ASH1L: variants seen among roughly 807,000 people sequenced by gnomAD.
ASH1L encodes the protein histone-lysine N-methyltransferase ASH1L.
In ASH1L, 23 loss-of-function variants were observed where a neutral mutation model predicts 269.0. The observed-to-expected ratio is 0.09, with a 90% CI of 0.06 to 0.12. The LOEUF (loss-of-function observed/expected upper bound fraction) is 0.12. Ranked by LOEUF, ASH1L falls within the 10% of genes least tolerant of loss-of-function variation. ASH1L has a pLI of 1.00. For missense variants in ASH1L, 2,912 were observed against 3,567.8 expected, an observed-to-expected ratio of 0.82 and a Z score of 4.68; for synonymous variants, 1,187 against 1,253.5, an observed-to-expected ratio of 0.95 and a Z score of 1.12.
chr1:155,550,407 A>G (rs1241165686), intron 1 of ASH1L, among the ~76,000 whole-genome samples: 2 of 152,166 alleles, frequency 1.3e-5, no homozygotes, highest in Non-Finnish European at 2.9e-5. Context: ...GCTTCCAATC[A>G]AACTTGAAAT....
chr1:155,357,439 T>C lies in ASH1L; in HGVS notation c.6961-29A>G, dbSNP rs373397516. 6.3e-6 allele frequency: 10 copies of C among 1,598,458 alleles called. No individual in the cohort carries two copies. In the African/African-American group the frequency reaches 1.2e-4, roughly 19 times the overall value. On this transcript the variant is annotated intron_variant, in intron 14 of 27. Transcript: ENST00000392403. ...AAAAAGAGATGGATCAGATTAGAGA[T>C]TTAAAAAAATATCAGTCAGAAATAA...
chr1:155,439,115 G>A, intron 4 of ASH1L, 47 bp from the exon 5 acceptor site: 1 of 1,535,250 alleles, frequency 6.5e-7, no homozygotes, highest in South Asian at 1.3e-5. Context: ...GACACGGCTA[G>A]TTATTTAAAT....
In ASH1L at chr1:155,562,428, G is replaced by A; in HGVS notation, c.-375C>T. ...GCGAACCCAAAATGGCGGCGGGAGCGGCGGCGGCGGCGGCGGCAGCAGCAG... is the reference window on the plus strand; with the variant it reads ...GCGAACCCAAAATGGCGGCGGGAGCAGCGGCGGCGGCGGCGGCAGCAGCAG... On this transcript the variant is annotated 5_prime_UTR_variant, in exon 1 of 28. Coordinates refer to ENST00000392403, the MANE Select transcript of ASH1L (RefSeq NM_018489.3). The A allele has an allele frequency of 7.4e-7, 1 of 1,353,502 alleles. No homozygotes were observed. The highest frequency in any genetic ancestry group is 1.0e-6 in the Non-Finnish European group (1 of 990,122). The allele number at this position is 1,353,502 out of a possible 1,614,324, so 83.8% of individuals were successfully genotyped here.
At chr1:155,540,818 G>GT (rs1243311427) in intron 1 of ASH1L, among the ~76,000 whole-genome samples, 2 of 152,142 alleles carry the variant, frequency 1.3e-5, no homozygotes, top group Non-Finnish European at 2.9e-5. Context: ...TCATACATCT[G>GT]TGATACATGT....
At chr1:155,557,089 G>A (rs1671645491) in intron 1 of ASH1L, among the ~76,000 whole-genome samples, 1 of 152,014 alleles carries the variant, frequency 6.6e-6, no homozygotes. Context: ...TCATCAACTT[G>A]TGTATGTCTG....
chr1:155,420,047 G>A (rs1047142160), intron 5 of ASH1L, among the ~76,000 whole-genome samples: 1 of 152,146 alleles, frequency 6.6e-6, no homozygotes, highest in Admixed American at 6.6e-5. Context: ...GCCAGGCAGG[G>A]TGACTCACTC....
At chr1:155,375,329 G>A (rs772666958) in intron 10 of ASH1L, among the ~76,000 whole-genome samples, 2 of 152,128 alleles carry the variant, frequency 1.3e-5, no homozygotes, top group Admixed American at 6.6e-5. Flanking sequence ...TTGACAACCA[G>A]AATAAGTCCT....
At chr1:155,339,168 T>G (rs888073830) in intron 26 of ASH1L, among the ~76,000 whole-genome samples, 160 bp downstream of exon 26, 1 of 152,182 alleles carries the variant, frequency 6.6e-6, no homozygotes, top group Admixed American at 6.5e-5. Flanking sequence ...CCACATCTAC[T>G]GAAATTTAGT....
At chr1:155,432,024 A>T in intron 5 of ASH1L, among the ~76,000 whole-genome samples, 1 of 152,200 alleles carries the variant, frequency 6.6e-6, no homozygotes, top group East Asian at 1.9e-4. Context: ...CCCACCTCAT[A>T]ACCATTAAAT....
intron 4 of ASH1L, among the ~76,000 whole-genome samples, chr1:155,459,204 T>C (rs1035120535): frequency 6.6e-6 from 1 of 152,064 alleles, no homozygotes; most frequent in Non-Finnish European, 1.5e-5. Context: ...TAAACAATTT[T>C]TTTTTTTTTC....
intron 2 of ASH1L, among the ~76,000 whole-genome samples, chr1:155,492,418 G>A (rs866581380): frequency 1.6e-4 from 24 of 151,900 alleles, no homozygotes; most frequent in African/African-American, 5.3e-4. Flanking sequence ...ATTATTTTTC[G>A]GTTTCTTTTC....
At chr1:155,363,668 CTTTT>C (rs1202012962) in intron 12 of ASH1L, among the ~76,000 whole-genome samples, 1 of 151,056 alleles carries the variant, frequency 6.6e-6, no homozygotes, top group East Asian at 1.9e-4. Flanking sequence ...TGTAACTTTT[CTTTT>C]TTTTTGAGAC....
chr1:155,354,701 G>A, intron 15 of ASH1L, 71 bp from the exon 16 acceptor site: 1 of 1,446,048 alleles, frequency 6.9e-7, no homozygotes, highest in Non-Finnish European at 9.4e-7. Flanking sequence ...TCTACTCTAT[G>A]GAAGCCATTG....
At chr1:155,392,053 T>C (rs1300998975) in intron 7 of ASH1L, among the ~76,000 whole-genome samples, 1 of 152,142 alleles carries the variant, frequency 6.6e-6, no homozygotes, top group African/African-American at 2.4e-5. Flanking sequence ...TTAACCAAAA[T>C]CTGTAACACT....
chr1:155,481,022 C>T lies in ASH1L; in HGVS notation c.1848G>A (p.Arg616=), dbSNP rs1405808213. ...CAATACTTATACTATGACCAACTGA[C>T]CTATGACCAACGTTCAAGTGGGTAC... ...SESTHLNVGH[R]SVGHSISIEC... The change falls in exon 3 of 28, where the codon AGG becomes AGA. Residue 616 remains arginine (R), a synonymous_variant. Transcript: ENST00000392403. The T allele has an allele frequency of 6.2e-7, 1 of 1,613,860 alleles. No homozygotes were observed. Among genetic ancestry groups the T allele is most frequent in the Non-Finnish European group, 8.5e-7 (1 of 1,179,964 alleles).
At chr1:155,517,402 G>A (rs1458825137) in intron 2 of ASH1L, among the ~76,000 whole-genome samples, 2 of 152,136 alleles carry the variant, frequency 1.3e-5, no homozygotes, top group African/African-American at 4.8e-5. Context: ...GCCGAGGCAG[G>A]CAGATCATTT....
At chr1:155,476,376 A>G (rs1049406421) in intron 3 of ASH1L, among the ~76,000 whole-genome samples, 2 of 151,830 alleles carry the variant, frequency 1.3e-5, no homozygotes, top group Admixed American at 1.3e-4. Context: ...ACAGAGCAAG[A>G]CTCCGTCTCA....
intron 1 of ASH1L, among the ~76,000 whole-genome samples, chr1:155,543,618 T>TC (rs1670593463): frequency 1.3e-5 from 2 of 151,618 alleles, no homozygotes; most frequent in Admixed American, 6.6e-5. Flanking sequence ...AAAACAAAGT[T>TC]CCACCCATTC....
chr1:155,377,865 C>CA (rs1376436285), intron 10 of ASH1L, among the ~76,000 whole-genome samples: 4 of 151,304 alleles, frequency 2.6e-5, no homozygotes, highest in Admixed American at 6.6e-5. Context: ...ACTAAAAATA[C>CA]AAAAAAAATT....
Sources: gnomAD v4.1 joint callset for allele counts (sites outside exome capture counted in the v4.1 genomes callset) on GRCh38, gnomAD v4.1.1 for gene constraint, MANE v1.5 for transcripts, NCBI Gene and HGNC (gene_info 2026-07-23, HGNC 2026-07-21) for gene names.